The following RAB37 variants were observed in gnomAD, a reference collection of about 807,000 sequenced individuals.
The protein encoded by RAB37 is ras-related protein Rab-37.
A neutral mutation model predicts 33.1 loss-of-function variants in RAB37; 29 were observed. The observed-to-expected ratio is 0.88, with a 90% CI of 0.65 to 1.20. The LOEUF (loss-of-function observed/expected upper bound fraction) is 1.20. RAB37 is among the 50% of genes most tolerant of loss of function. RAB37 has a pLI of 0.00. For synonymous variants in RAB37, 128 were observed against 119.5 expected (o/e 1.07, Z -0.47); for missense variants, 299 against 301.1 (o/e 0.99, Z 0.05).
intron 1 of RAB37, among the ~76,000 whole-genome samples, chr17:74,710,875 A>G (rs2143926020): frequency 6.6e-6 from 1 of 151,808 alleles, no homozygotes; most frequent in African/African-American, 2.4e-5. Flanking sequence ...TCAAAAAAAA[A>G]AACAAAAAAT....
At position 74,743,293 on chromosome 17, in the gene RAB37, C is replaced by T. The variant is rs148142349; in HGVS notation, c.319C>T (p.Leu107Phe). ...HAYYRDAQALLLLYDITNKSS... is the reference protein window; with the variant it reads ...HAYYRDAQALFLLYDITNKSS... ...TGTGATCCTCTCCCCTCCAGCCTTGCTTCTGCTGTATGACATCACCAACAA... is the reference window on the plus strand; with the variant it reads ...TGTGATCCTCTCCCCTCCAGCCTTGTTTCTGCTGTATGACATCACCAACAA... The change falls in exon 5 of 9, where the codon CTT becomes TTT. Residue 107 changes from leucine (L) to phenylalanine (F), a missense_variant. Coordinates refer to ENST00000392613, the MANE Select transcript of RAB37 (RefSeq NM_001006638.3). 9 of 1,614,156 alleles carry T rather than the reference C, an allele frequency of 5.6e-6. No individual in the cohort carries two copies. Among genetic ancestry groups the T allele is most frequent in the Non-Finnish European group, 7.6e-6 (9 of 1,180,022 alleles).
At position 74,689,631 on chromosome 17, in the gene RAB37, T is replaced by C. The variant is rs79660013; in HGVS notation, c.72+17973T>C. Among the ~76,000 whole-genome samples, 1,146 of 152,280 alleles carry C rather than the reference T, an allele frequency of 7.5e-3. 5 individuals carry two copies. The highest frequency in any genetic ancestry group is 0.013 in the Non-Finnish European group (895 of 68,012). On this transcript the variant is annotated intron_variant, in intron 1 of 7. Transcript: ENST00000340415. ...GAAAACTGAAAAGCTAAAAAAAATG[T>C]GCCTACTTGGTAGAATAAAAGGCTG...
intron 1 of RAB37, among the ~76,000 whole-genome samples, chr17:74,726,340 G>C (rs142586769): frequency 6.6e-6 from 1 of 151,684 alleles, no homozygotes; most frequent in Non-Finnish European, 1.5e-5. Context: ...GTGCACCCCC[G>C]GACCTCAGTG....
At chr17:74,694,961 T>C in intron 1 of RAB37, 2 of 1,006,956 alleles carry the variant, frequency 2.0e-6, no homozygotes, top group Non-Finnish European at 2.9e-6. Context: ...AACCCAGAGC[T>C]AGGGGCAATG....
intron 1 of RAB37, among the ~76,000 whole-genome samples, chr17:74,697,839 T>G (rs959190156): frequency 1.1e-4 from 17 of 152,158 alleles, no homozygotes; most frequent in African/African-American, 3.9e-4. Context: ...CTGATCAGAC[T>G]TGGAGGGCTG....
At chr17:74,703,217 C>T (rs2033223413) in intron 1 of RAB37, 3 of 1,237,826 alleles carry the variant, frequency 2.4e-6, no homozygotes, top group South Asian at 1.3e-5. Flanking sequence ...GCCCTGCACA[C>T]AGCTCTGAGC....
At chr17:74,709,838 G>T (rs916330465) in intron 1 of RAB37, among the ~76,000 whole-genome samples, 1 of 152,048 alleles carries the variant, frequency 6.6e-6, no homozygotes, top group African/African-American at 2.4e-5. Flanking sequence ...CTCACAAAGT[G>T]CTGGGATTAC....
At chr17:74,705,107 C>G (rs901943332) in intron 1 of RAB37, 1 of 670,324 alleles carries the variant, frequency 1.5e-6, no homozygotes, top group Non-Finnish European at 2.8e-6. Context: ...CCAAGGTAAT[C>G]TGTATATTTC....
chr17:74,702,014 G>A (rs547109136), intron 1 of RAB37, among the ~76,000 whole-genome samples: 17 of 151,492 alleles, frequency 1.1e-4, no homozygotes, highest in African/African-American at 3.6e-4. Flanking sequence ...GAGCAAGACT[G>A]TCTAAAAATA....
intron 1 of RAB37, among the ~76,000 whole-genome samples, chr17:74,727,312 G>A (rs2034318015): frequency 6.6e-6 from 1 of 152,248 alleles, no homozygotes; most frequent in African/African-American, 2.4e-5. Context: ...AATGTGCAAG[G>A]GTTTTACTGA....
At chr17:74,681,716 A>G (rs1385775600) in intron 1 of RAB37, among the ~76,000 whole-genome samples, 1 of 152,202 alleles carries the variant, frequency 6.6e-6, no homozygotes, top group Non-Finnish European at 1.5e-5. Context: ...GAGAACCAGC[A>G]TAGCATAGGC....
At chr17:74,728,890 A>G (rs1281179617) in intron 1 of RAB37, among the ~76,000 whole-genome samples, 2 of 150,144 alleles carry the variant, frequency 1.3e-5, no homozygotes, top group Admixed American at 6.6e-5. Context: ...ATGTGTGTAC[A>G]TGTGTTTTTC....
At chr17:74,736,952 C>A, upstream of RAB37, 1 of 1,527,260 alleles carries the variant, frequency 6.5e-7, no homozygotes, top group East Asian at 2.4e-5. Context: ...ACGGGGTCCC[C>A]GCGGCCCGCT....
chr17:74,733,558 GGTGT>G (rs1307340002), upstream of RAB37, among the ~76,000 whole-genome samples: 1 of 7,396 alleles, frequency 1.4e-4, no homozygotes, highest in Admixed American at 1.6e-3. Context: ...TATGGTCTGA[GGTGT>G]GTGTGTGTGG....
intron 1 of RAB37, among the ~76,000 whole-genome samples, chr17:74,694,020 C>T (rs1005744088): frequency 1.3e-5 from 2 of 152,070 alleles, no homozygotes; most frequent in African/African-American, 4.8e-5. Flanking sequence ...CACATGCAGA[C>T]ACATGCACAT....
rs1416293671 is a variant in RAB37, at chr17:74,745,447, C to G, written c.*36C>G. The G allele has an allele frequency of 2.0e-6, 3 of 1,529,440 alleles. No homozygotes were observed. The highest frequency in any genetic ancestry group is 2.7e-6 in the Non-Finnish European group (3 of 1,103,394). The allele number at this position is 1,529,440 out of a possible 1,614,324, so 94.7% of individuals were successfully genotyped here. A position where few individuals can be genotyped will look rare whatever the true frequency, so the allele number is the denominator to read the frequency against. On this transcript the variant is annotated 3_prime_UTR_variant, in exon 9 of 9. Coordinates refer to ENST00000392613, the MANE Select transcript of RAB37 (RefSeq NM_001006638.3). This position sits in a 1 kb window ranked among gnomAD's most constrained non-coding sequence, Gnocchi z 4.5. Reference sequence around the variant, plus strand: ...GCAGAGAGGAGGCTCTGGAGGCACACAGGATGCAGCCTTCCCCCTCCCAGG... The same window carrying G: ...GCAGAGAGGAGGCTCTGGAGGCACAGAGGATGCAGCCTTCCCCCTCCCAGG...
At chr17:74,720,488 G>A (rs1230394936) in intron 1 of RAB37, among the ~76,000 whole-genome samples, 1 of 152,118 alleles carries the variant, frequency 6.6e-6, no homozygotes, top group East Asian at 1.9e-4. Flanking sequence ...CTACTTGGGA[G>A]GCTGAGGCAG....
chr17:74,732,856 A>G (rs775852411), upstream of RAB37, among the ~76,000 whole-genome samples: 1 of 2,622 alleles, frequency 3.8e-4, no homozygotes, highest in Non-Finnish European at 9.7e-4. Context: ...GAGCCCCCCC[A>G]TCTTTCAACA....
chr17:74,673,175 C>T (rs953949074), intron 1 of RAB37, among the ~76,000 whole-genome samples: 3 of 152,002 alleles, frequency 2.0e-5, no homozygotes, highest in African/African-American at 7.2e-5. Flanking sequence ...GAGGCCGAGG[C>T]GGTGGACCGC....
Sources: gnomAD v4.1 joint callset for allele counts (sites outside exome capture counted in the v4.1 genomes callset) on GRCh38, gnomAD v4.1.1 for gene constraint, Gnocchi (gnomAD v3.1) non-coding constraint, MANE v1.5 for transcripts, NCBI Gene and HGNC (gene_info 2026-07-23, HGNC 2026-07-21) for gene names.